PARN: variants seen among roughly 807,000 people sequenced by gnomAD.
The protein encoded by PARN is poly(A)-specific ribonuclease.
Under a neutral mutation model 102.8 loss-of-function variants are expected in PARN, and 71 were observed. That is an observed-to-expected ratio of 0.69 (90% CI 0.57 to 0.84). The LOEUF is 0.84. PARN is among the 40% of genes least tolerant of loss of function. The pLI, the probability that PARN is intolerant of heterozygous loss-of-function variation, is 0.00. For missense variants in PARN, 782 were observed against 760.9 expected (o/e 1.03, Z -0.33); for synonymous variants, 261 against 252.9 (o/e 1.03, Z -0.30).
chr16:14,504,829 T>C (rs1964804680), intron 21 of PARN, among the ~76,000 whole-genome samples: 1 of 152,238 alleles, frequency 6.6e-6, no homozygotes, highest in African/African-American at 2.4e-5. Context: ...CGTTAAGCAG[T>C]ACAGTTTCAT....
chr16:14,581,367 T>C (rs908689659), intron 17 of PARN, among the ~76,000 whole-genome samples: 3 of 152,154 alleles, frequency 2.0e-5, no homozygotes, highest in African/African-American at 4.8e-5. Flanking sequence ...AAGGTATTCT[T>C]ACGCACCAAG....
At position 14,501,329 on chromosome 16, in the gene PARN, C is replaced by T. The variant is rs189729923; in HGVS notation, c.1481-18502G>A. Reference sequence around the variant, plus strand: ...AATAATAATAATAATAATAATTAGTCTGGAGTGGTGGTGTGCGCCTATAGT... The same window carrying T: ...AATAATAATAATAATAATAATTAGTTTGGAGTGGTGGTGTGCGCCTATAGT... On this transcript the variant is annotated intron_variant, in intron 21 of 23. Coordinates refer to ENST00000437198, the MANE Select transcript of PARN (RefSeq NM_002582.4). 9.3e-5 allele frequency among the ~76,000 whole-genome samples: 13 copies of T among 139,690 alleles called. No homozygotes were observed. In the East Asian group the frequency reaches 2.5e-3, roughly 27 times the overall value. 91.6% of individuals were successfully genotyped at this position (139,690 alleles called of 152,430 possible).
intron 6 of PARN, among the ~76,000 whole-genome samples, chr16:14,615,128 G>A (rs1971813216): frequency 6.6e-6 from 1 of 152,134 alleles, no homozygotes; most frequent in African/African-American, 2.4e-5. Flanking sequence ...CTTGAAAATG[G>A]AGAGAGATGA....
intron 21 of PARN, among the ~76,000 whole-genome samples, chr16:14,508,225 T>C (rs528956697): frequency 1.1e-4 from 17 of 152,100 alleles, no homozygotes; most frequent in African/African-American, 2.9e-4. Context: ...GATAGATACA[T>C]AGATAAGACA....
chr16:14,455,847 A>G (rs1232389938), intron 22 of PARN, among the ~76,000 whole-genome samples: 1 of 152,184 alleles, frequency 6.6e-6, no homozygotes, highest in Non-Finnish European at 1.5e-5. Context: ...CTCTGACTCC[A>G]TGTGTCGCTG....
intron 18 of PARN, among the ~76,000 whole-genome samples, chr16:14,566,348 C>A (rs1158677248): frequency 2.0e-5 from 3 of 152,010 alleles, no homozygotes; most frequent in Non-Finnish European, 4.4e-5. Context: ...GGCAATGTGA[C>A]CATGGGGACA....
chr16:14,600,067 A>G lies in PARN; in HGVS notation c.784-107T>C. On this transcript the variant is annotated intron_variant, in intron 11 of 23. Coordinates refer to ENST00000437198, the MANE Select transcript of PARN (RefSeq NM_002582.4). ...ACACTGAAATTTTGTATCAAGTTAGATAGCTTTAGTTTCCTGTGCTTTGCG... is the reference window on the plus strand; with the variant it reads ...ACACTGAAATTTTGTATCAAGTTAGGTAGCTTTAGTTTCCTGTGCTTTGCG... 6.6e-6 allele frequency: 4 copies of G among 606,150 alleles called. No homozygotes were observed. The South Asian group carries it at 1.0e-4, about 15-fold the overall frequency. 37.5% of individuals were successfully genotyped at this position (606,150 alleles called of 1,614,324 possible).
chr16:14,507,524 G>A (rs539390983), intron 21 of PARN, among the ~76,000 whole-genome samples: 92 of 150,770 alleles, frequency 6.1e-4, no homozygotes, highest in African/African-American at 2.2e-3. Context: ...TGGCAAAACC[G>A]TCTCTATTAA....
chr16:14,599,014 A>G (rs1970709982), intron 12 of PARN, among the ~76,000 whole-genome samples: 1 of 142,692 alleles, frequency 7.0e-6, no homozygotes, highest in Non-Finnish European at 1.5e-5. Context: ...TAAAATGCGG[A>G]TGCCTGTTTT....
At chr16:14,491,516 C>A (rs552031806) in intron 21 of PARN, among the ~76,000 whole-genome samples, 1 of 152,238 alleles carries the variant, frequency 6.6e-6, no homozygotes, top group Non-Finnish European at 1.5e-5. Flanking sequence ...GTAAGCCCTG[C>A]ACCTTGAGAG....
chr16:14,583,745 A>G (rs182956711), intron 16 of PARN, among the ~76,000 whole-genome samples: 214 of 152,322 alleles, frequency 1.4e-3, no homozygotes, highest in African/African-American at 4.6e-3. Flanking sequence ...TAATCACCGT[A>G]TCAGCAGCAC....
intron 18 of PARN, among the ~76,000 whole-genome samples, chr16:14,563,679 G>A (rs566847013): frequency 4.1e-4 from 62 of 150,542 alleles, no homozygotes; most frequent in African/African-American, 1.4e-3. Context: ...GGAATGACAG[G>A]TGCACACCAC....
rs1439980187 is a variant in PARN at position 14,518,583 on chromosome 16, T to C, written c.1480+33438A>G. Among the ~76,000 whole-genome samples the C allele has an allele frequency of 2.0e-5, 3 of 152,154 alleles. No individual in the cohort carries two copies. In the East Asian group the frequency reaches 5.8e-4, roughly 29 times the overall value. Reference sequence around the variant, plus strand: ...AAAAGTAAATATAGCAGATTACAATTTACCTAAGAAACAGAAGAATATAAA... The same window carrying C: ...AAAAGTAAATATAGCAGATTACAATCTACCTAAGAAACAGAAGAATATAAA... On this transcript the variant is annotated intron_variant, in intron 21 of 23. Coordinates refer to ENST00000437198, the MANE Select transcript of PARN (RefSeq NM_002582.4).
intron 22 of PARN, among the ~76,000 whole-genome samples, chr16:14,448,054 G>T (rs527316717): frequency 6.6e-6 from 1 of 151,324 alleles, no homozygotes; most frequent in African/African-American, 2.4e-5. Flanking sequence ...GAGTGATCTC[G>T]GCTCACTGTA....
intron 6 of PARN, among the ~76,000 whole-genome samples, chr16:14,613,206 G>A (rs1332191397): frequency 6.6e-6 from 1 of 151,854 alleles, no homozygotes; most frequent in African/African-American, 2.4e-5. Flanking sequence ...CTACTCTGGA[G>A]GCTGAGGCAG....
At chr16:14,477,983 CT>C (rs779583511) in intron 22 of PARN, among the ~76,000 whole-genome samples, 9 of 152,096 alleles carry the variant, frequency 5.9e-5, no homozygotes, top group Non-Finnish European at 1.0e-4. Context: ...GCATACAAAT[CT>C]GATTAAACAT....
chr16:14,577,618 G>A (rs1235360850), intron 18 of PARN, among the ~76,000 whole-genome samples: 1 of 152,118 alleles, frequency 6.6e-6, no homozygotes, highest in Non-Finnish European at 1.5e-5. Context: ...ACAGGCATGA[G>A]CCACGGCACC....
intron 18 of PARN, among the ~76,000 whole-genome samples, chr16:14,568,062 C>T (rs1160204744): frequency 6.6e-6 from 1 of 152,130 alleles, no homozygotes; most frequent in African/African-American, 2.4e-5. Flanking sequence ...CAGAACACAC[C>T]GCCTGCTGTG....
chr16:14,498,591 T>C (rs1964435917), intron 21 of PARN, among the ~76,000 whole-genome samples: 2 of 151,086 alleles, frequency 1.3e-5, no homozygotes, highest in Admixed American at 6.6e-5. Context: ...CCAAGAAGGT[T>C]TGAAAAAATG....
Sources: gnomAD v4.1 joint callset for allele counts (sites outside exome capture counted in the v4.1 genomes callset) on GRCh38, gnomAD v4.1.1 for gene constraint, MANE v1.5 for transcripts, NCBI Gene and HGNC (gene_info 2026-07-23, HGNC 2026-07-21) for gene names.